The following FAAH2 variants were observed in gnomAD, a reference collection of about 807,000 sequenced individuals.
FAAH2 encodes fatty acid amide hydrolase 2.
A neutral mutation model predicts 36.9 loss-of-function variants in FAAH2; 60 were observed. The observed-to-expected ratio is 1.63, with a 90% CI of 1.32 to 2.02. The LOEUF (loss-of-function observed/expected upper bound fraction) is 2.02. Among genes scored for constraint, FAAH2 ranks in the 30% most tolerant of loss-of-function variants. The pLI is 0.00. For synonymous variants in FAAH2, 214 were observed against 143.8 expected (o/e 1.49, Z -3.49); for missense variants, 689 against 397.5 (o/e 1.73, Z -6.23).
intron 8 of FAAH2, among the ~76,000 whole-genome samples, chrX:57,436,169 G>T (rs1479719556): frequency 9.0e-6 from 1 of 110,780 alleles, no homozygotes; most frequent in Non-Finnish European, 1.9e-5. Context: ...TGAAACAAAT[G>T]AAAAGGAAAA....
chrX:57,309,964 C>T (rs774008249), intron 2 of FAAH2, among the ~76,000 whole-genome samples: 1 of 111,785 alleles, frequency 8.9e-6, no homozygotes, highest in South Asian at 3.7e-4. Context: ...ATTGCTGGAT[C>T]AAATGGAATT....
intron 3 of FAAH2, among the ~76,000 whole-genome samples, chrX:57,323,569 T>A (rs1488193113): frequency 8.9e-6 from 1 of 112,037 alleles, no homozygotes; most frequent in Non-Finnish European, 1.9e-5. Context: ...TTGATTTGCA[T>A]TTCTCTGATG....
the FAAH2 span, among the ~76,000 whole-genome samples, chrX:57,190,726 C>T: frequency 9.1e-6 from 1 of 110,275 alleles, no homozygotes; most frequent in Admixed American, 9.7e-5. Context: ...TGGGATGCAT[C>T]CATTGCCTAA....
the FAAH2 span, among the ~76,000 whole-genome samples, chrX:57,252,575 G>A: frequency 1.3e-3 from 145 of 112,078 alleles, no homozygotes; most frequent in Non-Finnish European, 2.4e-3. Flanking sequence ...GAAGAATCAA[G>A]CAGCAATATT....
At chrX:57,185,522 G>T in the FAAH2 span, among the ~76,000 whole-genome samples, 4 of 107,332 alleles carry the variant, frequency 3.7e-5, no homozygotes, top group African/African-American at 1.4e-4. Context: ...GTGTGTGTGT[G>T]TGTTCGTGTG....
chrX:57,271,882 C>A, the FAAH2 span, among the ~76,000 whole-genome samples: 1 of 110,429 alleles, frequency 9.1e-6, no homozygotes, highest in Non-Finnish European at 1.9e-5. Context: ...AGCAAGGGAA[C>A]AAAACTGGAC....
intron 2 of FAAH2, among the ~76,000 whole-genome samples, chrX:57,296,436 C>T (rs955241216): frequency 1.3e-4 from 15 of 111,386 alleles, no homozygotes; most frequent in African/African-American, 4.9e-4. Flanking sequence ...GACATCCACA[C>T]CAAAAATCCA....
intron 8 of FAAH2, among the ~76,000 whole-genome samples, chrX:57,439,535 C>T (rs2056498507): frequency 9.0e-6 from 1 of 111,051 alleles, no homozygotes; most frequent in South Asian, 3.9e-4. Context: ...GCAAATTTTT[C>T]TCCCATTTTG....
At chrX:57,332,097 A>T (rs1189263475) in intron 4 of FAAH2, among the ~76,000 whole-genome samples, 2 of 112,447 alleles carry the variant, frequency 1.8e-5, no homozygotes, top group Non-Finnish European at 3.8e-5. Context: ...AGGAAAAAAA[A>T]GTGTATAGAC....
intron 5 of FAAH2, 130 bp from the exon 6 acceptor site, chrX:57,378,521 A>G (rs2054746314): frequency 5.0e-6 from 4 of 800,563 alleles, no homozygotes; most frequent in Non-Finnish European, 7.1e-6. Context: ...CTGCAATGAG[A>G]TATAAGAAGA....
chrX:57,340,903 T>G (rs1041282046), intron 4 of FAAH2, among the ~76,000 whole-genome samples: 5 of 110,356 alleles, frequency 4.5e-5, no homozygotes, highest in African/African-American at 1.7e-4. Context: ...GGCACGCATA[T>G]ACCTGTGTAG....
At chrX:57,152,826 A>T in the FAAH2 span, among the ~76,000 whole-genome samples, 2 of 111,131 alleles carry the variant, frequency 1.8e-5, no homozygotes, top group Admixed American at 9.5e-5. Flanking sequence ...GGTACCTCAG[A>T]TGGAAATGCA....
chrX:57,192,607 A>C, the FAAH2 span, among the ~76,000 whole-genome samples: 2 of 111,083 alleles, frequency 1.8e-5, no homozygotes, highest in Admixed American at 1.9e-4. Context: ...GGCTTTTATT[A>C]TATTGAGGTA....
the FAAH2 span, among the ~76,000 whole-genome samples, chrX:57,202,915 C>T: frequency 3.6e-5 from 4 of 112,056 alleles, no homozygotes; most frequent in Admixed American, 3.8e-4. Context: ...CCCATCATCA[C>T]CACCACCAGA....
intron 5 of FAAH2, among the ~76,000 whole-genome samples, chrX:57,377,414 A>G (rs1475414234): frequency 8.9e-6 from 1 of 112,144 alleles, no homozygotes; most frequent in African/African-American, 3.2e-5. Context: ...TCCTTTTTCC[A>G]TTTCTTGTTT....
intron 7 of FAAH2, among the ~76,000 whole-genome samples, chrX:57,428,506 A>G (rs2056215829): frequency 8.9e-6 from 1 of 112,158 alleles, no homozygotes; most frequent in African/African-American, 3.2e-5. Flanking sequence ...ACAAAGCCAT[A>G]GAAACTACAA....
At chrX:57,392,762 G>A (rs971018499) in intron 7 of FAAH2, 11 of 612,071 alleles carry the variant, frequency 1.8e-5, no homozygotes, top group Non-Finnish European at 2.8e-5. Flanking sequence ...AACCAGCCCC[G>A]ATGCTGGCAT....
intron 5 of FAAH2, among the ~76,000 whole-genome samples, chrX:57,376,633 A>G (rs5914996): frequency 0.36 from 40,350 of 110,927 alleles, 6,244 homozygotes; most frequent in Middle Eastern, 0.62. Flanking sequence ...ATGTGTCTTT[A>G]TAGTAGAATG....
chrX:57,337,627 G>A (rs1412348068), intron 4 of FAAH2, among the ~76,000 whole-genome samples: 3 of 111,955 alleles, frequency 2.7e-5, no homozygotes, highest in Non-Finnish European at 3.8e-5. Context: ...AATGTCATTT[G>A]TTGCACAAAC....
Sources: gnomAD v4.1 joint callset for allele counts (sites outside exome capture counted in the v4.1 genomes callset) on GRCh38, gnomAD v4.1.1 for gene constraint, MANE v1.5 for transcripts, NCBI Gene and HGNC (gene_info 2026-07-23, HGNC 2026-07-21) for gene names.